Variants in PRKD3 observed in about 807,000 individuals in gnomAD.
PRKD3 encodes protein kinase D3, also known as serine/threonine-protein kinase D3.
PRKD3 carries 47 observed loss-of-function variants against 99.2 expected under a neutral mutation model. The observed-to-expected ratio is 0.47, with a 90% CI of 0.38 to 0.60. The LOEUF (loss-of-function observed/expected upper bound fraction) is 0.60, where lower values mean the gene tolerates loss of function less well. Ranked by LOEUF, PRKD3 falls within the 20% of genes least tolerant of loss-of-function variation. The pLI, the probability that PRKD3 is intolerant of heterozygous loss-of-function variation, is 0.00. For synonymous variants in PRKD3, 392 were observed against 355.4 expected, an observed-to-expected ratio of 1.10 and a Z score of -1.16; for missense variants, 1,019 against 1,088.4, an observed-to-expected ratio of 0.94 and a Z score of 0.90.
chr2:37,280,046 G>A (rs944730326), intron 7 of PRKD3, 117 bp from the exon 8 acceptor site: 54 of 587,564 alleles, frequency 9.2e-5, no homozygotes, highest in Non-Finnish European at 1.3e-4. Context: ...GTTAAGTAAA[G>A]TATTTCTCTT....
At chr2:37,306,285 C>T (rs1270741029) in intron 2 of PRKD3, among the ~76,000 whole-genome samples, 3 of 152,176 alleles carry the variant, frequency 2.0e-5, no homozygotes, top group Non-Finnish European at 4.4e-5. Flanking sequence ...CTACCTGCTG[C>T]TCAGATTTGT....
intron 12 of PRKD3, among the ~76,000 whole-genome samples, chr2:37,270,065 T>C (rs1339072220): frequency 1.3e-5 from 2 of 151,998 alleles, no homozygotes. Context: ...CCATCTCTAC[T>C]AAAAATACAA....
intron 2 of PRKD3, among the ~76,000 whole-genome samples, chr2:37,313,105 G>A (rs2124896010): frequency 6.6e-6 from 1 of 152,328 alleles, no homozygotes; most frequent in South Asian, 2.1e-4. Context: ...AACTAGAACA[G>A]GGATTTCCAA....
intron 16 of PRKD3, among the ~76,000 whole-genome samples, chr2:37,258,174 A>T (rs982270929): frequency 3.3e-5 from 5 of 152,218 alleles, no homozygotes; most frequent in Admixed American, 3.3e-4. Flanking sequence ...AAGCTGTAGA[A>T]AACAGTGGTA....
chr2:37,316,452 C>G lies in PRKD3; in HGVS notation c.73G>C (p.Ala25Pro), dbSNP rs759767264. Residue 25 changes from alanine (A) to proline (P), a missense_variant, in exon 2 of 19, where the codon GCT becomes CCT. By Grantham distance (27) the Ala-to-Pro change is conservative. Transcript: ENST00000234179. ...TTAGGACTTGAACACGGAGAAGCAG[C>G]TGGAAGCACAGCAGGAATAGCTGTG... is the stretch of plus-strand genomic sequence containing the variant. Reference protein sequence around the residue: ...LPTAIPAVLPAASPCSSPKTG... With the variant: ...LPTAIPAVLPPASPCSSPKTG... 3 of 1,614,206 alleles carry G rather than the reference C, an allele frequency of 1.9e-6. No homozygotes were observed. The Admixed American group carries it at 5.0e-5, about 27-fold the overall frequency.
At position 37,259,807 on chromosome 2, in the gene PRKD3, T is replaced by C. The variant is rs1024724078; in HGVS notation, c.2047-126A>G. On this transcript the variant is annotated intron_variant, in intron 15 of 18. Coordinates refer to ENST00000234179, the MANE Select transcript of PRKD3 (RefSeq NM_005813.6). ...TCAAGACTTAGCTAAAAGTGTGTTA[T>C]TCTGCTCCTTAAGGTTAACAATTCC... The C allele has an allele frequency of 3.4e-5, 22 of 654,830 alleles. No individual in the cohort carries two copies. The Admixed American group carries it at 5.6e-4, about 17-fold the overall frequency. 40.6% of individuals were successfully genotyped at this position (654,830 alleles called of 1,614,324 possible).
At chr2:37,257,258 T>G (rs1459894895) in intron 16 of PRKD3, among the ~76,000 whole-genome samples, 1 of 152,078 alleles carries the variant, frequency 6.6e-6, no homozygotes, top group East Asian at 1.9e-4. Flanking sequence ...TCATTTGTCT[T>G]GTAAGATCAC....
intron 17 of PRKD3, among the ~76,000 whole-genome samples, chr2:37,255,787 A>G (rs932620411): frequency 2.6e-5 from 4 of 152,144 alleles, no homozygotes; most frequent in South Asian, 2.1e-4. Context: ...GGGAAGATCA[A>G]TTGAGTGCAA....
chr2:37,314,815 T>C (rs988897967), intron 2 of PRKD3, among the ~76,000 whole-genome samples: 3 of 152,138 alleles, frequency 2.0e-5, no homozygotes, highest in Non-Finnish European at 2.9e-5. Context: ...GCAAAAGTGT[T>C]TGAAAACAGT....
intron 2 of PRKD3, among the ~76,000 whole-genome samples, chr2:37,309,513 T>C (rs1231878758): frequency 6.6e-6 from 1 of 152,164 alleles, no homozygotes; most frequent in Non-Finnish European, 1.5e-5. Flanking sequence ...CTCAAAATTA[T>C]AAGATTCTTA....
At position 37,289,033 on chromosome 2, in the gene PRKD3, G is replaced by A. The variant is rs564532179; in HGVS notation, c.717+323C>T. On this transcript the variant is annotated intron_variant, in intron 5 of 18. Coordinates refer to ENST00000234179, the MANE Select transcript of PRKD3 (RefSeq NM_005813.6). ...CGTGCCACTGCACTCCAGCCTGGGC[G>A]ACAGAGCAAGACTCCATCTCAAAAA... Among the ~76,000 whole-genome samples the A allele has an allele frequency of 5.2e-4, 77 of 148,662 alleles. 1 individual carries two copies. The highest frequency in any genetic ancestry group is 1.8e-3 in the African/African-American group (72 of 40,270).
chr2:37,261,820 G>GAA (rs1668482664), intron 14 of PRKD3, among the ~76,000 whole-genome samples: 1 of 152,118 alleles, frequency 6.6e-6, no homozygotes, highest in Non-Finnish European at 1.5e-5. Context: ...CTTAACAATG[G>GAA]TTCAACTTAC....
At chr2:37,271,140 C>G (rs900250076) in intron 12 of PRKD3, among the ~76,000 whole-genome samples, 22 of 152,126 alleles carry the variant, frequency 1.4e-4, no homozygotes, top group South Asian at 2.1e-4. Flanking sequence ...ACTATAACAG[C>G]TAAGTGCCCC....
intron 16 of PRKD3, among the ~76,000 whole-genome samples, chr2:37,259,064 A>C (rs1233200549): frequency 3.3e-5 from 5 of 149,952 alleles, no homozygotes; most frequent in East Asian, 2.0e-4. Context: ...AAAAAAAAAA[A>C]CTCAACTGAA....
intron 8 of PRKD3, chr2:37,279,086 C>G (rs181225598): frequency 9.9e-5 from 15 of 152,234 alleles, no homozygotes; most frequent in African/African-American, 3.6e-4. Context: ...ACTCAGCCAC[C>G]TGAGACTGAA....
chr2:37,294,885 G>C (rs1357876271), intron 2 of PRKD3, among the ~76,000 whole-genome samples: 1 of 152,174 alleles, frequency 6.6e-6, no homozygotes, highest in South Asian at 2.1e-4. Flanking sequence ...GACCAGCCTG[G>C]ACAACATGGT....
chr2:37,259,771 A>T (rs1467108094), intron 15 of PRKD3, 90 bp from the exon 16 acceptor site: 1 of 870,252 alleles, frequency 1.1e-6, no homozygotes, highest in Non-Finnish European at 1.8e-6. Flanking sequence ...TGAAAACTCC[A>T]CTATAGTTCA....
At chr2:37,282,336 C>G (rs747234660) in intron 7 of PRKD3, 25 of 531,232 alleles carry the variant, frequency 4.7e-5, no homozygotes, top group Non-Finnish European at 8.4e-5. Context: ...TACAAAGTAA[C>G]AGGTGGCCAG....
intron 17 of PRKD3, 30 bp downstream of exon 17, chr2:37,256,628 ATTTT>A (rs56389006): frequency 0.15 from 177,072 of 1,157,822 alleles, 5,020 homozygotes; most frequent in Non-Finnish European, 0.17. Flanking sequence ...CATAGCCAAA[ATTTT>A]TTTTTTTTTT....
Sources: allele counts gnomAD v4.1 joint callset (sites outside exome capture counted in the v4.1 genomes callset), GRCh38; gene constraint gnomAD v4.1.1; transcripts MANE v1.5; gene names NCBI Gene and HGNC (gene_info 2026-07-23, HGNC 2026-07-21).